DMD: variants seen among roughly 807,000 people sequenced by gnomAD.
DMD encodes the protein dystrophin.
DMD carries 63 observed loss-of-function variants against 330.1 expected under a neutral mutation model. The ratio of observed to expected loss-of-function variants is 0.19; its 90% confidence interval spans 0.16 to 0.24. DMD has a LOEUF of 0.24. DMD is among the 10% of genes least tolerant of loss of function. The probability of loss-of-function intolerance (pLI) is 1.00; values close to 1 mark genes in which losing one functional copy is unlikely to be tolerated. For synonymous variants in DMD, 1,223 were observed against 959.8 expected, an observed-to-expected ratio of 1.27 and a Z score of -5.07; for missense variants, 3,344 against 2,684.1, an observed-to-expected ratio of 1.25 and a Z score of -5.43.
intron 44 of DMD, among the ~76,000 whole-genome samples, chrX:31,982,205 TA>T (rs1339221451): frequency 8.9e-6 from 1 of 112,127 alleles, no homozygotes; most frequent in African/African-American, 3.2e-5. Context: ...TAATGAAAGT[TA>T]AATTTTCTTA....
rs2097769252 is a variant in DMD, at chrX:32,347,878, T to C, written c.5448+528A>G. On this transcript the variant is annotated intron_variant, in intron 38 of 78. Transcript: ENST00000357033. ...GGAAGAGCACACATGGTCATATTTC[T>C]TTACTCCCATGAAATAAGCAGCATG... 2.7e-5 allele frequency among the ~76,000 whole-genome samples: 3 copies of C among 111,945 alleles called. No individual in the cohort carries two copies. The South Asian group carries it at 1.1e-3, about 41-fold the overall frequency.
intron 44 of DMD, among the ~76,000 whole-genome samples, chrX:32,042,026 C>CATATATATATAT (rs57983190): frequency 2.5e-5 from 1 of 40,475 alleles, no homozygotes; most frequent in African/African-American, 1.0e-4. Flanking sequence ...TCTCTCTGTT[C>CATATATATATAT]ATATATATAT....
intron 21 of DMD, among the ~76,000 whole-genome samples, chrX:32,478,989 C>T (rs957435057): frequency 1.8e-5 from 2 of 110,944 alleles, no homozygotes; most frequent in African/African-American, 6.5e-5. Flanking sequence ...CCAGGTAAGT[C>T]TCATTTTTCT....
chrX:31,368,684 C>T (rs1376017521), intron 60 of DMD, among the ~76,000 whole-genome samples: 2 of 109,346 alleles, frequency 1.8e-5, no homozygotes, highest in Admixed American at 9.7e-5. Flanking sequence ...CTTGCTCTGT[C>T]GCCCAGGCTG....
intron 44 of DMD, among the ~76,000 whole-genome samples, chrX:32,126,483 T>C (rs1284901749): frequency 1.8e-5 from 2 of 112,076 alleles, no homozygotes; most frequent in Admixed American, 1.9e-4. Flanking sequence ...CAAATTATCC[T>C]CCAGCCATGA....
At chrX:32,614,213 C>G (rs1390095936) in intron 12 of DMD, 90 bp downstream of exon 12, 2 of 912,776 alleles carry the variant, frequency 2.2e-6, no homozygotes, top group South Asian at 4.6e-5. Flanking sequence ...AATTCTCTCC[C>G]ATCAACCATG....
At chrX:33,255,300 G>C (rs1011105451) in intron 1 of DMD, among the ~76,000 whole-genome samples, 2 of 110,844 alleles carry the variant, frequency 1.8e-5, no homozygotes, top group African/African-American at 6.5e-5. Flanking sequence ...TATATCATTG[G>C]AGTTAAATGA....
intron 13 of DMD, among the ~76,000 whole-genome samples, chrX:32,588,563 C>T (rs1441338312): frequency 9.0e-6 from 1 of 111,136 alleles, no homozygotes; most frequent in African/African-American, 3.3e-5. Context: ...ACCTTGTAGG[C>T]CAAAGTATCA....
intron 2 of DMD, among the ~76,000 whole-genome samples, chrX:32,905,924 C>T (rs1488448384): frequency 1.8e-5 from 2 of 111,360 alleles, no homozygotes; most frequent in Non-Finnish European, 3.8e-5. Flanking sequence ...GCAAAACCAC[C>T]CAGAGTTGAG....
Position 31,929,492 on chromosome X carries a change from C to T in DMD, c.6912+104G>A, listed in dbSNP as rs1365187344. The T allele has an allele frequency of 8.4e-6, 8 of 956,910 alleles. No individual in the cohort carries two copies. The Admixed American group carries it at 1.6e-4, about 19-fold the overall frequency. 78.9% of individuals were successfully genotyped at this position (956,910 alleles called of 1,213,427 possible). ...AAAAACAAAACAAAACAACAATCCACATACCAGCCTCCTCCCCGACCAATG... is the reference window on the plus strand; with the variant it reads ...AAAAACAAAACAAAACAACAATCCATATACCAGCCTCCTCCCCGACCAATG... On this transcript the variant is annotated intron_variant, in intron 47 of 78. Transcript: ENST00000357033.
intron 1 of DMD, among the ~76,000 whole-genome samples, chrX:33,323,110 A>G (rs1273649669): frequency 8.9e-6 from 1 of 112,009 alleles, no homozygotes; most frequent in Non-Finnish European, 1.9e-5. Flanking sequence ...AAACAAAGGT[A>G]TTATTTAAAC....
At chrX:32,129,986 T>A (rs1424156149) in intron 44 of DMD, among the ~76,000 whole-genome samples, 1 of 110,028 alleles carries the variant, frequency 9.1e-6, no homozygotes, top group African/African-American at 3.3e-5. Flanking sequence ...GACTTTTTTT[T>A]TTTTTTTTTG....
chrX:31,843,887 C>A (rs1365550538), intron 48 of DMD, among the ~76,000 whole-genome samples: 1 of 61,707 alleles, frequency 1.6e-5, no homozygotes, highest in Non-Finnish European at 2.9e-5. Context: ...CGGAGTCTCG[C>A]TCTGTTGTCA....
rs1418108640 is a variant in DMD, at chrX:32,454,809, C to T, written c.3456G>A (p.Leu1152=). 1 of 1,205,356 alleles carries T rather than the reference C, an allele frequency of 8.3e-7. No homozygotes were observed. Among genetic ancestry groups the T allele is most frequent in the Non-Finnish European group, 1.1e-6 (1 of 892,798 alleles). Residue 1152 remains leucine, a synonymous_variant, in exon 26 of 79, where the codon TTG becomes TTA. Coordinates refer to ENST00000357033, the MANE Select transcript of DMD (RefSeq NM_004006.3). ...CQQVYARKEA[L]KGGLEKTVSL... is the part of the protein sequence containing the mutation. ...TTACAGTTTTCTCCAAACCTCCCTT[C>T]AAGGCCTCCTTTCTGGCATAGACCT...
At chrX:32,661,839 A>G (rs944620839) in intron 9 of DMD, among the ~76,000 whole-genome samples, 1 of 111,661 alleles carries the variant, frequency 9.0e-6, no homozygotes, top group African/African-American at 3.2e-5. Flanking sequence ...CTTAAAATTT[A>G]CTCACATTTT....
At chrX:32,624,728 C>A (rs191072452) in intron 11 of DMD, among the ~76,000 whole-genome samples, 1 of 111,643 alleles carries the variant, frequency 9.0e-6, no homozygotes, top group African/African-American at 3.3e-5. Flanking sequence ...GCCTTTTTGT[C>A]ATTTGCAGTA....
chrX:31,687,260 G>A (rs2082744492), intron 52 of DMD, among the ~76,000 whole-genome samples: 1 of 110,884 alleles, frequency 9.0e-6, no homozygotes, highest in Non-Finnish European at 1.9e-5. Flanking sequence ...TATGGTGAAA[G>A]ACCCCTTCTG....
At chrX:32,517,935 CACAGATA>C (rs1330183552) in intron 18 of DMD, 66 bp downstream of exon 18, 11 of 1,068,435 alleles carry the variant, frequency 1.0e-5, no homozygotes, top group Non-Finnish European at 1.4e-5. Context: ...CTAGTAGAAT[CACAGATA>C]ACAAAGCACG....
chrX:32,775,793 A>T (rs775088511), intron 7 of DMD, among the ~76,000 whole-genome samples: 1 of 112,893 alleles, frequency 8.9e-6, no homozygotes, highest in Non-Finnish European at 1.9e-5. Context: ...GGCTACTAAC[A>T]TTCTGCTTCT....
Sources: gnomAD v4.1 joint callset for allele counts (sites outside exome capture counted in the v4.1 genomes callset) on GRCh38, gnomAD v4.1.1 for gene constraint, MANE v1.5 for transcripts, NCBI Gene and HGNC (gene_info 2026-07-23, HGNC 2026-07-21) for gene names.